LZTFL1: variants seen among roughly 807,000 people sequenced by gnomAD.
LZTFL1 encodes leucine zipper transcription factor-like protein 1.
In LZTFL1, 25 loss-of-function variants were observed where a neutral mutation model predicts 45.9. That is an observed-to-expected ratio of 0.54 (90% CI 0.40 to 0.76). The LOEUF (loss-of-function observed/expected upper bound fraction) is 0.76. LZTFL1 is among the 30% of genes least tolerant of loss of function. The probability of loss-of-function intolerance (pLI) is 0.00; values close to 1 mark genes in which losing one functional copy is unlikely to be tolerated. For synonymous variants in LZTFL1, 93 were observed against 117.4 expected (o/e 0.79, Z 1.35); for missense variants, 277 against 331.1 (o/e 0.84, Z 1.27).
At position 45,854,894 on chromosome 3, in the gene LZTFL1, C is replaced by T; in HGVS notation, c.-49+92G>A. On this transcript the variant is annotated intron_variant, in intron 4 of 4. Transcript: ENST00000472635. ...TTATGCTAAGAGCTACTCTCCTTGT[C>T]CCATTCATCTAATCTGGAATAACAA... The T allele has an allele frequency of 4.7e-6, 4 of 860,194 alleles. No homozygotes were observed. The South Asian group carries it at 5.0e-5, about 11-fold the overall frequency. The allele number at this position is 860,194 out of a possible 1,614,324, so 53.3% of individuals were successfully genotyped here.
chr3:45,826,292 C>T lies in LZTFL1; in HGVS notation c.*22G>A, dbSNP rs1700660785. The T allele has an allele frequency of 1.2e-6, 2 of 1,610,418 alleles. No homozygotes were observed. The highest frequency in any genetic ancestry group is 1.1e-5 in the South Asian group (1 of 90,886). ...CTGCTTGTATGTTTGCATGTGGTAG[C>T]TTCCAGAGGAAATCTTCAGTTTTAA... On this transcript the variant is annotated 3_prime_UTR_variant, in exon 10 of 10. Coordinates refer to ENST00000296135, the MANE Select transcript of LZTFL1 (RefSeq NM_020347.4).
At chr3:45,882,471 G>T (rs1237890040) in intron 2 of LZTFL1, among the ~76,000 whole-genome samples, 2 of 152,214 alleles carry the variant, frequency 1.3e-5, no homozygotes, top group African/African-American at 2.4e-5. Context: ...GGAGGCTAAG[G>T]AAGGAGGAGA....
At chr3:45,847,155 G>A (rs1055592456) in intron 4 of LZTFL1, among the ~76,000 whole-genome samples, 1 of 152,134 alleles carries the variant, frequency 6.6e-6, no homozygotes, top group Admixed American at 6.5e-5. Context: ...CTTTCTCCAA[G>A]ATTCACACCT....
In LZTFL1 at chr3:45,838,064, G is replaced by A; in HGVS notation, c.4-13C>T. On this transcript the variant is annotated splice_polypyrimidine_tract_variant and intron_variant, in intron 1 of 9. Transcript: ENST00000296135. ...GGCCCAACTCTGCCTGAAAAAGAAA[G>A]AGGTAATTTAATTGTTAGTTTTGAA... 6.3e-7 allele frequency: 1 copy of A among 1,582,434 alleles called. No individual in the cohort carries two copies. Among genetic ancestry groups the A allele is most frequent in the Non-Finnish European group, 8.6e-7 (1 of 1,169,048 alleles).
At chr3:45,871,652 A>T (rs1329961244) in intron 2 of LZTFL1, among the ~76,000 whole-genome samples, 3 of 148,268 alleles carry the variant, frequency 2.0e-5, no homozygotes. Context: ...TAGAGAAAAA[A>T]GTCTGTGGTA....
At chr3:45,880,362 C>G (rs1457130120) in intron 2 of LZTFL1, among the ~76,000 whole-genome samples, 1 of 151,956 alleles carries the variant, frequency 6.6e-6, no homozygotes, top group Non-Finnish European at 1.5e-5. Context: ...ATTAGCTGGG[C>G]GTGGTGATGG....
intron 2 of LZTFL1, among the ~76,000 whole-genome samples, chr3:45,875,722 G>A: frequency 6.6e-6 from 1 of 152,202 alleles, no homozygotes; most frequent in Non-Finnish European, 1.5e-5. Flanking sequence ...CATCTACATA[G>A]TGGTTGTGAA....
intron 5 of LZTFL1, chr3:45,832,566 T>TC (rs1401330947): frequency 1.4e-5 from 2 of 147,984 alleles, no homozygotes; most frequent in South Asian, 2.1e-4. Flanking sequence ...GATAAATAAT[T>TC]TTTTTTTTTT....
chr3:45,829,372 G>A (rs2125677948), intron 7 of LZTFL1, among the ~76,000 whole-genome samples: 1 of 152,186 alleles, frequency 6.6e-6, no homozygotes, highest in South Asian at 2.1e-4. Context: ...GGAGGCCAAG[G>A]GAGGAGGACT....
chr3:45,840,249 G>A (rs1353039249), intron 1 of LZTFL1, among the ~76,000 whole-genome samples: 1 of 152,188 alleles, frequency 6.6e-6, no homozygotes, highest in Non-Finnish European at 1.5e-5. Flanking sequence ...TGAAGAAAGG[G>A]GGTAAAAGTG....
At chr3:45,896,030 C>T (rs1056323872) in intron 2 of LZTFL1, among the ~76,000 whole-genome samples, 1 of 152,146 alleles carries the variant, frequency 6.6e-6, no homozygotes, top group African/African-American at 2.4e-5. Context: ...TTATGATATG[C>T]TAATGATTCA....
At chr3:45,852,933 T>C (rs559037894) in intron 4 of LZTFL1, among the ~76,000 whole-genome samples, 105 of 152,328 alleles carry the variant, frequency 6.9e-4, no homozygotes, top group African/African-American at 2.4e-3. Context: ...GAGACCTAGA[T>C]TGGAAACCAC....
At chr3:45,856,249 G>A (rs1701392198) in intron 3 of LZTFL1, among the ~76,000 whole-genome samples, 1 of 152,136 alleles carries the variant, frequency 6.6e-6, no homozygotes, top group Non-Finnish European at 1.5e-5. Context: ...ACAACCATCT[G>A]ATCTTTAACA....
intron 3 of LZTFL1, among the ~76,000 whole-genome samples, chr3:45,856,497 A>G (rs1701395399): frequency 6.6e-6 from 1 of 152,184 alleles, no homozygotes; most frequent in South Asian, 2.1e-4. Context: ...TGACAAAAAC[A>G]TCAAAAGCAA....
chr3:45,905,711 G>T (rs1702667019), intron 2 of LZTFL1, among the ~76,000 whole-genome samples: 1 of 152,200 alleles, frequency 6.6e-6, no homozygotes. Context: ...CCCGATGGTG[G>T]CACTCTGATG....
chr3:45,882,808 A>G (rs2125728693), intron 2 of LZTFL1, among the ~76,000 whole-genome samples: 1 of 136,726 alleles, frequency 7.3e-6, no homozygotes, highest in South Asian at 2.1e-4. Flanking sequence ...TATTATTATT[A>G]TTATTATTAT....
intron 4 of LZTFL1, among the ~76,000 whole-genome samples, chr3:45,851,474 C>T (rs574895843): frequency 3.3e-5 from 5 of 152,058 alleles, no homozygotes; most frequent in African/African-American, 1.2e-4. Flanking sequence ...ATCCGCCCGC[C>T]TCGGCCTCCC....
In LZTFL1 at chr3:45,901,853, G is replaced by A. The variant is rs1194538731; in HGVS notation, c.-215+11267C>T. ...CAAGGAGAGAGGGAAGCTTGAAGCT[G>A]TCGTCTATGTTGCTGGAGACAACCT... is the stretch of plus-strand genomic sequence containing the variant. On this transcript the variant is annotated intron_variant, in intron 2 of 4. Transcript: ENST00000472635. The surrounding 1 kb of genome is among the most constrained non-coding windows in gnomAD (Gnocchi z 4.3). 6.2e-7 allele frequency: 1 copy of A among 1,610,694 alleles called. No individual in the cohort carries two copies. Among genetic ancestry groups the A allele is most frequent in the South Asian group, 1.1e-5 (1 of 90,980 alleles).
intron 2 of LZTFL1, among the ~76,000 whole-genome samples, chr3:45,860,701 G>A (rs993592829): frequency 6.6e-6 from 1 of 152,176 alleles, no homozygotes; most frequent in African/African-American, 2.4e-5. Flanking sequence ...CTTGAAAAAC[G>A]AATGATGAAG....
Sources: allele counts gnomAD v4.1 joint callset (sites outside exome capture counted in the v4.1 genomes callset), GRCh38; gene constraint gnomAD v4.1.1; non-coding constraint Gnocchi (gnomAD v3.1); transcripts MANE v1.5; gene names NCBI Gene and HGNC (gene_info 2026-07-23, HGNC 2026-07-21).